Variants in TBC1D14 observed in about 807,000 individuals in gnomAD.
TBC1D14 encodes the protein TBC1 domain family, member 14.
TBC1D14 carries 26 observed loss-of-function variants against 79.0 expected under a neutral mutation model. The observed-to-expected ratio is 0.33, with a 90% CI of 0.24 to 0.46. TBC1D14 has a LOEUF of 0.46. Among genes scored for constraint, TBC1D14 ranks in the 20% least tolerant of loss-of-function variants. TBC1D14 has a pLI of 1.00. For synonymous variants in TBC1D14, 394 were observed against 349.9 expected, an observed-to-expected ratio of 1.13 and a Z score of -1.40; for missense variants, 769 against 887.6, an observed-to-expected ratio of 0.87 and a Z score of 1.70.
At chr4:6,924,382 T>G (rs1724115753) in intron 2 of TBC1D14, among the ~76,000 whole-genome samples, 1 of 152,202 alleles carries the variant, frequency 6.6e-6, no homozygotes, top group Admixed American at 6.5e-5. Flanking sequence ...AGGTGGCCAG[T>G]GTTACCAAAT....
intron 12 of TBC1D14, among the ~76,000 whole-genome samples, chr4:7,021,050 A>T (rs1287812696): frequency 6.6e-6 from 1 of 152,214 alleles, no homozygotes; most frequent in Admixed American, 6.5e-5. Context: ...TGTTCCGTGG[A>T]TGCCGTCTTC....
intron 10 of TBC1D14, 25 bp downstream of exon 10, chr4:7,009,973 A>C (rs1560344654): frequency 6.2e-7 from 1 of 1,612,762 alleles, no homozygotes; most frequent in Non-Finnish European, 8.5e-7. Flanking sequence ...TCAGTATTTT[A>C]TAATGTTGTT....
chr4:6,974,092 G>A (rs959944667), intron 3 of TBC1D14, among the ~76,000 whole-genome samples: 1 of 151,806 alleles, frequency 6.6e-6, no homozygotes, highest in Non-Finnish European at 1.5e-5. Flanking sequence ...CCAGAGTGCT[G>A]GGATTACAGA....
intron 2 of TBC1D14, among the ~76,000 whole-genome samples, chr4:6,925,154 A>G (rs997154452): frequency 6.6e-6 from 1 of 152,096 alleles, no homozygotes; most frequent in African/African-American, 2.4e-5. Flanking sequence ...TTAGCCAGGT[A>G]TGGTGGTGCA....
Position 7,023,160 on chromosome 4 carries a change from A to G in TBC1D14, c.1758-1844A>G, listed in dbSNP as rs1721996326. ...TCCCAGCTACTTGGGAGGCTGAGGCACAGAATTGCTTGAACCTGGGAGGTG... is the reference window on the plus strand; with the variant it reads ...TCCCAGCTACTTGGGAGGCTGAGGCGCAGAATTGCTTGAACCTGGGAGGTG... On this transcript the variant is annotated intron_variant, in intron 12 of 13. Transcript: ENST00000409757. Among the ~76,000 whole-genome samples, 3 of 152,146 alleles carry G rather than the reference A, an allele frequency of 2.0e-5. No individual in the cohort carries two copies. The South Asian group carries it at 6.2e-4, about 32-fold the overall frequency.
chr4:7,012,528 G>GTA (rs1286591650), intron 11 of TBC1D14, among the ~76,000 whole-genome samples: 1 of 152,200 alleles, frequency 6.6e-6, no homozygotes, highest in African/African-American at 2.4e-5. Flanking sequence ...GTAAATGTGA[G>GTA]AATAGCTGAA....
intron 2 of TBC1D14, among the ~76,000 whole-genome samples, chr4:6,947,718 T>C (rs938964154): frequency 2.0e-5 from 3 of 152,046 alleles, no homozygotes; most frequent in Non-Finnish European, 4.4e-5. Context: ...TGTTTACTTT[T>C]CCCCTCCTGT....
At chr4:7,027,228 G>A (rs13107989) in intron 13 of TBC1D14, among the ~76,000 whole-genome samples, 134,176 of 151,064 alleles carry the variant, frequency 0.89, 59,841 homozygotes, top group East Asian at 0.98. Flanking sequence ...CCCCAAAAAA[G>A]CAGGTCATTT....
intron 7 of TBC1D14, among the ~76,000 whole-genome samples, chr4:7,001,925 G>A (rs188790111): frequency 6.1e-4 from 93 of 152,272 alleles, no homozygotes; most frequent in Admixed American, 1.2e-3. Flanking sequence ...CCCTGCCTGC[G>A]GTCTGAGCTG....
chr4:6,988,975 C>G (rs1205844009), intron 3 of TBC1D14, among the ~76,000 whole-genome samples: 3 of 141,124 alleles, frequency 2.1e-5, no homozygotes, highest in African/African-American at 5.3e-5. Context: ...CTCCTGGGCT[C>G]AAGTGATCCT....
intron 6 of TBC1D14, 88 bp from the exon 7 acceptor site, chr4:7,001,057 A>T: frequency 9.3e-7 from 1 of 1,072,570 alleles, no homozygotes; most frequent in Admixed American, 1.9e-5. Flanking sequence ...GGTGCATCCC[A>T]GCTCTTGGTG....
Position 7,031,204 on chromosome 4 carries a change from T to G in TBC1D14, c.*812T>G, listed in dbSNP as rs1179085341. On this transcript the variant is annotated 3_prime_UTR_variant, in exon 14 of 14. Transcript: ENST00000409757. ...AATCAGCCCCCTGTAAGTAAAAGGGTAGAGAAAGAGATGTGTGGCTGGGCC... is the reference window on the plus strand; with the variant it reads ...AATCAGCCCCCTGTAAGTAAAAGGGGAGAGAAAGAGATGTGTGGCTGGGCC... 6.6e-6 allele frequency: 1 copy of G among 152,254 alleles called. No individual in the cohort carries two copies. Among genetic ancestry groups the G allele is most frequent in the African/African-American group, 2.4e-5 (1 of 41,436 alleles). The allele number at this position is 152,254 out of a possible 1,614,324, so 9.4% of individuals were successfully genotyped here. A position where few individuals can be genotyped will look rare whatever the true frequency, so the allele number is the denominator to read the frequency against.
At chr4:6,930,693 G>A (rs1405414586) in intron 2 of TBC1D14, among the ~76,000 whole-genome samples, 1 of 151,874 alleles carries the variant, frequency 6.6e-6, no homozygotes, top group Non-Finnish European at 1.5e-5. Flanking sequence ...AGCTACTTGG[G>A]AGGCTGAGGC....
intron 3 of TBC1D14, among the ~76,000 whole-genome samples, chr4:6,993,599 C>T (rs1196252159): frequency 2.6e-5 from 4 of 152,200 alleles, no homozygotes; most frequent in East Asian, 3.8e-4. Flanking sequence ...CCTGAGGCAG[C>T]GTTTGAGGGC....
chr4:6,962,025 C>T lies in TBC1D14; in HGVS notation c.723-5279C>T, dbSNP rs997113491. Among the ~76,000 whole-genome samples, 5 of 152,290 alleles carry T rather than the reference C, an allele frequency of 3.3e-5. No individual in the cohort carries two copies. The East Asian group carries it at 7.7e-4, about 23-fold the overall frequency. On this transcript the variant is annotated intron_variant, in intron 2 of 13. Coordinates refer to ENST00000409757, the MANE Select transcript of TBC1D14 (RefSeq NM_020773.3). ...GAGGTGTGTCTGAGCCAAGGCTGATCGATGGGGCTTTTGACACGAGACATC... is the reference window on the plus strand; with the variant it reads ...GAGGTGTGTCTGAGCCAAGGCTGATTGATGGGGCTTTTGACACGAGACATC...
At chr4:7,010,828 T>C in intron 11 of TBC1D14, 47 bp downstream of exon 11, 1 of 1,581,514 alleles carries the variant, frequency 6.3e-7, no homozygotes, top group East Asian at 2.3e-5. Context: ...TCTTTAAATG[T>C]CAAGAGTTGC....
intron 2 of TBC1D14, among the ~76,000 whole-genome samples, chr4:6,939,318 C>G (rs980680963): frequency 3.9e-5 from 6 of 152,052 alleles, no homozygotes; most frequent in African/African-American, 1.2e-4. Flanking sequence ...GAAGAATCCA[C>G]AGGAGCCCCC....
chr4:6,996,379 A>G lies in TBC1D14; in HGVS notation c.1017A>G (p.Glu339=). 6.2e-7 allele frequency: 1 copy of G among 1,613,908 alleles called. No homozygotes were observed. The highest frequency in any genetic ancestry group is 8.5e-7 in the Non-Finnish European group (1 of 1,179,848). Residue 339 remains glutamate, a synonymous_variant, in exon 5 of 14, where the codon GAA becomes GAG. Coordinates refer to ENST00000409757, the MANE Select transcript of TBC1D14 (RefSeq NM_020773.3). ...CTCAGAAGCACAGACAGCAGTATGA[A>G]GAAATGGTGGTTCAGGCCAAAAAGC... The part of the protein sequence containing the change: ...EEAQKHRQQY[E]EMVVQAKKRE...
At chr4:6,978,344 G>A (rs1210917991) in intron 3 of TBC1D14, among the ~76,000 whole-genome samples, 1 of 148,344 alleles carries the variant, frequency 6.7e-6, no homozygotes, top group African/African-American at 2.5e-5. Context: ...TGGTTGCTGT[G>A]TCTGTGTAGA....
Sources: allele counts gnomAD v4.1 joint callset (sites outside exome capture counted in the v4.1 genomes callset), GRCh38; gene constraint gnomAD v4.1.1; transcripts MANE v1.5; gene names NCBI Gene and HGNC (gene_info 2026-07-23, HGNC 2026-07-21).